SGCD: variants seen among roughly 807,000 people sequenced by gnomAD.
SGCD encodes delta-sarcoglycan.
SGCD carries 18 observed loss-of-function variants against 36.6 expected under a neutral mutation model. The ratio of observed to expected loss-of-function variants is 0.49; its 90% CI spans 0.34 to 0.73. The LOEUF is 0.73. SGCD is among the 30% of genes least tolerant of loss of function. The pLI is 0.01. For synonymous variants in SGCD, 133 were observed against 130.6 expected (o/e 1.02, Z -0.12); for missense variants, 387 against 346.7 (o/e 1.12, Z -0.92).
the SGCD span, among the ~76,000 whole-genome samples, chr5:155,750,661 A>C: frequency 2.0e-5 from 3 of 152,216 alleles, no homozygotes; most frequent in Admixed American, 2.0e-4. Flanking sequence ...CATAAAATAG[A>C]TATTTAAAAA....
chr5:155,824,725 A>G, the SGCD span, among the ~76,000 whole-genome samples: 1 of 152,290 alleles, frequency 6.6e-6, no homozygotes, highest in South Asian at 2.1e-4. Flanking sequence ...TTCACACCCC[A>G]GATGCATTAC....
chr5:156,123,076 G>A (rs1762085057), intron 2 of SGCD, among the ~76,000 whole-genome samples: 1 of 152,010 alleles, frequency 6.6e-6, no homozygotes, highest in African/African-American at 2.4e-5. Flanking sequence ...GTATTTTCCA[G>A]GTGGAAGCTG....
intron 2 of SGCD, among the ~76,000 whole-genome samples, chr5:156,118,984 T>C (rs1259386522): frequency 6.6e-6 from 1 of 152,132 alleles, no homozygotes; most frequent in Non-Finnish European, 1.5e-5. Flanking sequence ...ACTTTGAGTA[T>C]TATCACCTGC....
chr5:156,542,701 C>G (rs118014548), intron 4 of SGCD, among the ~76,000 whole-genome samples: 1 of 152,172 alleles, frequency 6.6e-6, no homozygotes, highest in Non-Finnish European at 1.5e-5. Flanking sequence ...AGCTGCACGA[C>G]CAGCATTCCT....
intron 1 of SGCD, among the ~76,000 whole-genome samples, chr5:155,995,087 A>G (rs1758513639): frequency 6.6e-6 from 1 of 152,212 alleles, no homozygotes; most frequent in African/African-American, 2.4e-5. Flanking sequence ...TTATGGGTAC[A>G]CACATTGGCA....
At chr5:156,429,532 G>A (rs1773835686) in intron 3 of SGCD, among the ~76,000 whole-genome samples, 1 of 150,532 alleles carries the variant, frequency 6.6e-6, no homozygotes, top group Non-Finnish European at 1.5e-5. Context: ...TAAGATGTGA[G>A]GTCCCTTTAT....
the SGCD span, among the ~76,000 whole-genome samples, chr5:155,802,519 A>G: frequency 2.0e-5 from 3 of 152,326 alleles, no homozygotes; most frequent in Admixed American, 2.0e-4. Flanking sequence ...ATGAATACAC[A>G]TAGAAAATGA....
chr5:156,745,090 A>T (rs1756882201), intron 7 of SGCD, among the ~76,000 whole-genome samples: 1 of 152,150 alleles, frequency 6.6e-6, no homozygotes, highest in Non-Finnish European at 1.5e-5. Flanking sequence ...GGTTATGGGA[A>T]CAAAACAAAT....
At chr5:155,999,099 A>G (rs1050011945) in intron 1 of SGCD, among the ~76,000 whole-genome samples, 3 of 152,146 alleles carry the variant, frequency 2.0e-5, no homozygotes, top group Non-Finnish European at 2.9e-5. Context: ...ATGTATCGAG[A>G]TTTCTGCTGG....
chr5:155,897,836 G>A (rs530614128), intron 1 of SGCD, among the ~76,000 whole-genome samples: 10 of 152,216 alleles, frequency 6.6e-5, no homozygotes, highest in Middle Eastern at 3.4e-3. Flanking sequence ...ACAGTCCATT[G>A]TTGACCAACA....
intron 3 of SGCD, among the ~76,000 whole-genome samples, chr5:156,132,259 G>C (rs1762342182): frequency 6.6e-6 from 1 of 151,830 alleles, no homozygotes; most frequent in East Asian, 1.9e-4. Context: ...GTGTGTGTTT[G>C]TGTGTGATGT....
At chr5:156,733,906 T>C (rs1756211130) in intron 7 of SGCD, among the ~76,000 whole-genome samples, 4 of 152,114 alleles carry the variant, frequency 2.6e-5, no homozygotes, top group Non-Finnish European at 5.9e-5. Context: ...CTCTTGAAGA[T>C]AGCATACAAA....
At chr5:156,717,542 G>A (rs529104685) in intron 7 of SGCD, among the ~76,000 whole-genome samples, 3 of 152,166 alleles carry the variant, frequency 2.0e-5, no homozygotes, top group Non-Finnish European at 2.9e-5. Context: ...AATTGCTGAC[G>A]CTGGAGGAAC....
rs146716142 is a variant in SGCD at position 156,416,898 on chromosome 5, A to G, written c.192+72221A>G. Among the ~76,000 whole-genome samples the G allele has an allele frequency of 6.3e-3, 952 of 152,316 alleles. 7 individuals are homozygous for G. The highest frequency in any genetic ancestry group is 0.01 in the Non-Finnish European group (702 of 68,016). On this transcript the variant is annotated intron_variant, in intron 3 of 8. Transcript: ENST00000337851. Reference sequence around the variant, plus strand: ...TTGTAGTCATTTAAATGAGTGGAAAATGGCATGTGATTGGCTTTTTTTCTT... The same window carrying G: ...TTGTAGTCATTTAAATGAGTGGAAAGTGGCATGTGATTGGCTTTTTTTCTT...
At chr5:156,461,930 C>G (rs1754504883) in intron 3 of SGCD, among the ~76,000 whole-genome samples, 1 of 152,116 alleles carries the variant, frequency 6.6e-6, no homozygotes, top group Non-Finnish European at 1.5e-5. Context: ...ACCTTGAGAC[C>G]TTGAGCTTCC....
chr5:156,494,335 ATT>A (rs11295916), intron 3 of SGCD, among the ~76,000 whole-genome samples: 235 of 136,260 alleles, frequency 1.7e-3, no homozygotes, highest in East Asian at 2.2e-3. Flanking sequence ...ATCCCCTCCT[ATT>A]TTTTTTTTTT....
chr5:156,564,725 T>A (rs575799626), intron 4 of SGCD, among the ~76,000 whole-genome samples: 4 of 152,266 alleles, frequency 2.6e-5, no homozygotes, highest in African/African-American at 9.6e-5. Context: ...AGGTGCCTTA[T>A]GTAAATGGAA....
At chr5:155,854,790 T>C in the SGCD span, among the ~76,000 whole-genome samples, 72 of 152,294 alleles carry the variant, frequency 4.7e-4, no homozygotes, top group Admixed American at 1.6e-3. Flanking sequence ...GAAATTATTA[T>C]AACAGTGGCA....
At chr5:155,841,815 GA>G in the SGCD span, among the ~76,000 whole-genome samples, 1 of 152,044 alleles carries the variant, frequency 6.6e-6, no homozygotes, top group African/African-American at 2.4e-5. Flanking sequence ...TGACGGGGGA[GA>G]AAAAAAGCCC....
Sources: allele counts gnomAD v4.1 joint callset (sites outside exome capture counted in the v4.1 genomes callset), GRCh38; gene constraint gnomAD v4.1.1; transcripts MANE v1.5; gene names NCBI Gene and HGNC (gene_info 2026-07-23, HGNC 2026-07-21).